CDH12: variants seen among roughly 807,000 people sequenced by gnomAD.
CDH12 encodes the protein cadherin 12, also known as cadherin-12.
In CDH12, 41 loss-of-function variants were observed where a neutral mutation model predicts 74.1. The ratio of observed to expected loss-of-function variants is 0.55; its 90% CI spans 0.43 to 0.72. The LOEUF (loss-of-function observed/expected upper bound fraction) is 0.72, where lower values mean the gene tolerates loss of function less well. CDH12 is among the 30% of genes least tolerant of loss of function. The probability of loss-of-function intolerance (pLI) is 0.00; values close to 1 mark genes in which losing one functional copy is unlikely to be tolerated. For missense variants in CDH12, 945 were observed against 977.2 expected (o/e 0.97, Z 0.44); for synonymous variants, 399 against 355.0 (o/e 1.12, Z -1.39).
At chr5:22,039,167 G>A (rs1024503954) in intron 5 of CDH12, among the ~76,000 whole-genome samples, 3 of 152,008 alleles carry the variant, frequency 2.0e-5, no homozygotes, top group African/African-American at 7.2e-5. Flanking sequence ...GGTTATCCAT[G>A]GGGATAACCC....
chr5:22,023,885 C>T (rs1347766603), intron 5 of CDH12, among the ~76,000 whole-genome samples: 1 of 152,106 alleles, frequency 6.6e-6, no homozygotes, highest in Non-Finnish European at 1.5e-5. Context: ...CCTCTTAACA[C>T]AGTTATGTCA....
At position 22,138,311 on chromosome 5, in the gene CDH12, T is replaced by C. The variant is rs191447278; in HGVS notation, c.-186-59449A>G. Among the ~76,000 whole-genome samples, 800 of 152,000 alleles carry C rather than the reference T, an allele frequency of 5.3e-3. 17 individuals carry two copies. The highest frequency in any genetic ancestry group is 0.016 in the East Asian group (82 of 5,176). Reference sequence around the variant, plus strand: ...AATGGCCTATGTACCTCATTTGCAATGTGAAAGTGTTAGAAATATGAAAGA... The same window carrying C: ...AATGGCCTATGTACCTCATTTGCAACGTGAAAGTGTTAGAAATATGAAAGA... On this transcript the variant is annotated intron_variant, in intron 4 of 14. Transcript: ENST00000382254.
chr5:22,418,816 G>A (rs562723730), intron 2 of CDH12, among the ~76,000 whole-genome samples: 22 of 152,104 alleles, frequency 1.4e-4, no homozygotes, highest in Admixed American at 5.2e-4. Context: ...CCTGGGAGGC[G>A]GAGGTTGCAT....
chr5:22,541,283 C>T (rs1047307524), intron 1 of CDH12, among the ~76,000 whole-genome samples: 4 of 152,154 alleles, frequency 2.6e-5, no homozygotes, highest in Admixed American at 6.5e-5. Context: ...TTTGGCAGTT[C>T]GCCAGAAACT....
chr5:21,936,501 T>C (rs1755080121), intron 6 of CDH12, among the ~76,000 whole-genome samples: 1 of 152,200 alleles, frequency 6.6e-6, no homozygotes. Flanking sequence ...GCAGAAAGTT[T>C]ATGCCTCTTA....
chr5:22,432,520 T>TGTATACAC (rs1744214095), intron 2 of CDH12, among the ~76,000 whole-genome samples: 1 of 152,086 alleles, frequency 6.6e-6, no homozygotes, highest in Non-Finnish European at 1.5e-5. Flanking sequence ...TTTGAGACTA[T>TGTATACAC]GTATACACAT....
chr5:22,282,668 A>T (rs536304355), intron 3 of CDH12, among the ~76,000 whole-genome samples: 1 of 152,314 alleles, frequency 6.6e-6, no homozygotes, highest in African/African-American at 2.4e-5. Flanking sequence ...CATTAGAGAA[A>T]TTCAAATCAC....
intron 3 of CDH12, among the ~76,000 whole-genome samples, chr5:22,228,617 C>T (rs1310057107): frequency 6.6e-6 from 1 of 152,158 alleles, no homozygotes; most frequent in Non-Finnish European, 1.5e-5. Context: ...AGGAATTCAG[C>T]TTGATACCAA....
chr5:22,116,875 T>C (rs1392248632), intron 4 of CDH12, among the ~76,000 whole-genome samples: 1 of 150,984 alleles, frequency 6.6e-6, no homozygotes, highest in Non-Finnish European at 1.5e-5. Context: ...TTTTTTTTTT[T>C]TTTTTTTTTT....
intron 1 of CDH12, among the ~76,000 whole-genome samples, chr5:22,799,115 TCAAACAAACAAA>T (rs371200414): frequency 1.3e-5 from 2 of 152,010 alleles, no homozygotes; most frequent in South Asian, 4.1e-4. Context: ...AGACCCAGTC[TCAAACAAACAAA>T]CAAACAAACA....
chr5:22,822,997 G>T (rs1172318186), intron 1 of CDH12, among the ~76,000 whole-genome samples: 11 of 151,994 alleles, frequency 7.2e-5, no homozygotes, highest in South Asian at 4.2e-4. Context: ...TGTCCAACAA[G>T]GATAGACTGG....
intron 5 of CDH12, among the ~76,000 whole-genome samples, chr5:21,999,379 C>A (rs997773383): frequency 1.2e-4 from 18 of 152,106 alleles, no homozygotes; most frequent in Non-Finnish European, 2.5e-4. Context: ...GGTCTAAAAG[C>A]AAATGAAAAT....
At chr5:22,704,028 G>A (rs1275073438) in intron 1 of CDH12, among the ~76,000 whole-genome samples, 1 of 152,058 alleles carries the variant, frequency 6.6e-6, no homozygotes, top group East Asian at 1.9e-4. Flanking sequence ...CATCTAATTG[G>A]TTCTCAAACA....
intron 11 of CDH12, among the ~76,000 whole-genome samples, chr5:21,775,504 C>T (rs1197820285): frequency 6.6e-6 from 1 of 152,080 alleles, no homozygotes; most frequent in Non-Finnish European, 1.5e-5. Context: ...AAGCCTCAGC[C>T]TCCTCTCTGA....
rs565260568 is a variant in CDH12, at chr5:21,985,705, A to G, written c.232-10320T>C. Among the ~76,000 whole-genome samples, 30 of 152,284 alleles carry G rather than the reference A, an allele frequency of 2.0e-4. No homozygotes were observed. In the South Asian group the frequency reaches 5.2e-3, roughly 26 times the overall value. On this transcript the variant is annotated intron_variant, in intron 5 of 14. Transcript: ENST00000382254. ...CTACTTTTGCTAGATTCTTCCTGGT[A>G]AACTTATAAAACACTTAGTGTTTCC...
chr5:22,241,969 C>T (rs775975126), intron 3 of CDH12, among the ~76,000 whole-genome samples: 10 of 152,162 alleles, frequency 6.6e-5, no homozygotes, highest in East Asian at 1.9e-4. Flanking sequence ...ATAATTACTA[C>T]TATCATTTAT....
At chr5:22,009,964 A>C (rs1329988834) in intron 5 of CDH12, among the ~76,000 whole-genome samples, 1 of 151,128 alleles carries the variant, frequency 6.6e-6, no homozygotes, top group East Asian at 1.9e-4. Context: ...AAAAAAGAAA[A>C]AAAGAAAGAA....
chr5:22,366,648 T>G (rs1741043838), intron 3 of CDH12, among the ~76,000 whole-genome samples: 1 of 152,220 alleles, frequency 6.6e-6, no homozygotes, highest in African/African-American at 2.4e-5. Flanking sequence ...GACAGATGCA[T>G]AGTAGTTTTT....
chr5:21,786,785 A>G (rs1746221320), intron 10 of CDH12, among the ~76,000 whole-genome samples: 1 of 152,220 alleles, frequency 6.6e-6, no homozygotes, highest in African/African-American at 2.4e-5. Context: ...GATGCCATTA[A>G]GAACATTGGT....
Sources: allele counts gnomAD v4.1 joint callset (sites outside exome capture counted in the v4.1 genomes callset), GRCh38; gene constraint gnomAD v4.1.1; transcripts MANE v1.5; gene names NCBI Gene and HGNC (gene_info 2026-07-23, HGNC 2026-07-21).